Variants in TXLNB observed in about 807,000 individuals in gnomAD.
TXLNB encodes taxilin beta, also known as beta-taxilin.
Under a neutral mutation model 57.4 loss-of-function variants are expected in TXLNB, and 37 were observed. That is an observed-to-expected ratio of 0.64 (90% CI 0.50 to 0.85). The LOEUF (loss-of-function observed/expected upper bound fraction) is 0.85, where lower values mean the gene tolerates loss of function less well. Ranked by LOEUF, TXLNB falls within the 40% of genes least tolerant of loss-of-function variation. The pLI is 0.00. For synonymous variants in TXLNB, 302 were observed against 309.6 expected, an observed-to-expected ratio of 0.98 and a Z score of 0.26; for missense variants, 848 against 825.6, an observed-to-expected ratio of 1.03 and a Z score of -0.33.
At chr6:139,171,552 A>G in the TXLNB span, among the ~76,000 whole-genome samples, 1 of 152,324 alleles carries the variant, frequency 6.6e-6, no homozygotes, top group Admixed American at 6.5e-5. Flanking sequence ...ATGCCGTCTT[A>G]TTTGTAGTAA....
At chr6:139,297,561 T>G in the TXLNB span, among the ~76,000 whole-genome samples, 187 of 152,328 alleles carry the variant, frequency 1.2e-3, no homozygotes, top group Non-Finnish European at 1.7e-3. Context: ...TTATGAGCCT[T>G]AAAATCAAGT....
At chr6:139,270,313 G>C in intron 4 of TXLNB, 143 bp downstream of exon 4, 2 of 741,924 alleles carry the variant, frequency 2.7e-6, no homozygotes, top group Non-Finnish European at 4.3e-6. Flanking sequence ...AATTATTTAA[G>C]GTTACAAGCA....
intron 4 of TXLNB, among the ~76,000 whole-genome samples, chr6:139,263,687 C>CTTATTA (rs1054682851): frequency 6.6e-6 from 1 of 151,722 alleles, no homozygotes. Flanking sequence ...GATTGTTATT[C>CTTATTA]TTTTTGAATA....
chr6:139,194,744 C>T, the TXLNB span, among the ~76,000 whole-genome samples: 1 of 152,152 alleles, frequency 6.6e-6, no homozygotes, highest in Non-Finnish European at 1.5e-5. Flanking sequence ...TAATGTTTTT[C>T]TTTCAGAGTA....
chr6:139,235,924 A>T (rs1349006169), downstream of TXLNB, among the ~76,000 whole-genome samples: 1 of 152,158 alleles, frequency 6.6e-6, no homozygotes, highest in African/African-American at 2.4e-5. Flanking sequence ...GAGCACACCG[A>T]CAGGCACCAG....
chr6:139,209,549 C>T, the TXLNB span, among the ~76,000 whole-genome samples: 1 of 151,944 alleles, frequency 6.6e-6, no homozygotes, highest in African/African-American at 2.4e-5. Flanking sequence ...ATAGAGAACC[C>T]AGAAATAAAG....
chr6:139,206,031 G>T, the TXLNB span, among the ~76,000 whole-genome samples: 1 of 152,178 alleles, frequency 6.6e-6, no homozygotes, highest in African/African-American at 2.4e-5. Flanking sequence ...TTAACTTCCT[G>T]AAACAAAATA....
Position 139,262,690 on chromosome 6 carries a change from G to A in TXLNB, c.771C>T (p.Ile257=). ...TSHFQSTLTD[I]QGQIEQQSER... is the part of the protein sequence containing the mutation. ...CACTCTGCTGCTCGATCTGGCCCTG[G>A]ATGTCCGTGAGGGTACTCTGGAAAT... Residue 257 remains isoleucine, a synonymous_variant, in exon 5 of 10, where the codon ATC becomes ATT. Coordinates refer to ENST00000358430, the MANE Select transcript of TXLNB (RefSeq NM_153235.4). 6.2e-7 allele frequency: 1 copy of A among 1,614,158 alleles called. No individual in the cohort carries two copies. Among genetic ancestry groups the A allele is most frequent in the Non-Finnish European group, 8.5e-7 (1 of 1,180,034 alleles).
At chr6:139,218,120 TTCAGCTTCTGCTGC>T in the TXLNB span, among the ~76,000 whole-genome samples, 1 of 152,266 alleles carries the variant, frequency 6.6e-6, no homozygotes, top group Non-Finnish European at 1.5e-5. Flanking sequence ...CTTTAGGGTG[TTCAGCTTCTGCTGC>T]TCAGCAGCAA....
the TXLNB span, among the ~76,000 whole-genome samples, chr6:139,318,214 G>A: frequency 6.9e-6 from 1 of 144,208 alleles, no homozygotes; most frequent in African/African-American, 2.6e-5. Flanking sequence ...AGCTTGCAGT[G>A]AGCCAAGATC....
In TXLNB at chr6:139,285,703, T is replaced by C. The variant is rs761159298; in HGVS notation, c.424+2773A>G. Among the ~76,000 whole-genome samples, 4 of 145,072 alleles carry C rather than the reference T, an allele frequency of 2.8e-5. 1 individual carries two copies. The highest frequency in any genetic ancestry group is 4.6e-5 in the Non-Finnish European group (3 of 65,258). On this transcript the variant is annotated intron_variant, in intron 2 of 9. Transcript: ENST00000358430. Reference sequence around the variant, plus strand: ...CATCATAGCGATATCTGTAGGAAAATAGCCCCTTGCATGGCAAGAGTGATG... The same window carrying C: ...CATCATAGCGATATCTGTAGGAAAACAGCCCCTTGCATGGCAAGAGTGATG...
the TXLNB span, among the ~76,000 whole-genome samples, chr6:139,313,215 G>A: frequency 6.6e-6 from 1 of 151,988 alleles, no homozygotes; most frequent in African/African-American, 2.4e-5. Flanking sequence ...TGGGACTACA[G>A]GCACGTGCCA....
chr6:139,288,599 C>A lies in TXLNB; in HGVS notation c.301G>T (p.Asp101Tyr). The change falls in exon 2 of 10, where the codon GAC (aspartate) becomes TAC (tyrosine). Residue 101 changes from aspartate (D) to tyrosine (Y), a missense_variant. Transcript: ENST00000358430. ...NAESPDNEDG[D>Y]CEETTEEAGR... ...GCCTCTTCAGTTGTTTCCTCACAGT[C>A]CCCATCCTCGTTGTCAGGTGATTCT... The A allele has an allele frequency of 6.2e-7, 1 of 1,614,218 alleles. No homozygotes were observed. Among genetic ancestry groups the A allele is most frequent in the South Asian group, 1.1e-5 (1 of 91,078 alleles).
the TXLNB span, among the ~76,000 whole-genome samples, chr6:139,203,834 G>A: frequency 6.7e-6 from 1 of 148,576 alleles, no homozygotes; most frequent in African/African-American, 2.5e-5. Context: ...TCCAGAATGT[G>A]AGGTACCTTA....
the TXLNB span, among the ~76,000 whole-genome samples, chr6:139,233,922 G>A: frequency 6.6e-6 from 1 of 152,184 alleles, no homozygotes; most frequent in South Asian, 2.1e-4. Context: ...CCTTCCTAGA[G>A]ACTTGATGAA....
chr6:139,218,653 G>A, the TXLNB span, among the ~76,000 whole-genome samples: 6 of 152,164 alleles, frequency 3.9e-5, no homozygotes, highest in East Asian at 3.8e-4. Flanking sequence ...TTGGGAGGCC[G>A]AGGGAGGAGA....
chr6:139,212,420 G>A, the TXLNB span, among the ~76,000 whole-genome samples: 140 of 152,264 alleles, frequency 9.2e-4, 1 homozygote, highest in South Asian at 0.012. Flanking sequence ...TCACAGACAA[G>A]CAAATGCTGA....
At chr6:139,237,784 A>G (rs117830054), downstream of TXLNB, among the ~76,000 whole-genome samples, 4 of 152,270 alleles carry the variant, frequency 2.6e-5, no homozygotes, top group Admixed American at 6.5e-5. Flanking sequence ...ATTGAACATT[A>G]TATCACTTAA....
At chr6:139,277,020 T>G in intron 2 of TXLNB, 99 bp from the exon 3 acceptor site, 2 of 833,420 alleles carry the variant, frequency 2.4e-6, no homozygotes, top group Non-Finnish European at 3.7e-6. Flanking sequence ...ATTCCCAACC[T>G]TGGCTAAGCC....
Sources: allele counts gnomAD v4.1 joint callset (sites outside exome capture counted in the v4.1 genomes callset), GRCh38; gene constraint gnomAD v4.1.1; transcripts MANE v1.5; gene names NCBI Gene and HGNC (gene_info 2026-07-23, HGNC 2026-07-21).